Variants in MARCHF6 observed in about 807,000 individuals in gnomAD.
MARCHF6 encodes the protein membrane associated ring-CH-type finger 6.
A neutral mutation model predicts 133.7 loss-of-function variants in MARCHF6; 31 were observed. The ratio of observed to expected loss-of-function variants is 0.23; its 90% CI spans 0.17 to 0.31. MARCHF6 has a LOEUF of 0.31. Ranked by LOEUF, MARCHF6 falls within the 10% of genes least tolerant of loss-of-function variation. The pLI, the probability that MARCHF6 is intolerant of heterozygous loss-of-function variation, is 1.00. For synonymous variants in MARCHF6, 395 were observed against 402.5 expected, an observed-to-expected ratio of 0.98 and a Z score of 0.22; for missense variants, 723 against 1,121.6, an observed-to-expected ratio of 0.64 and a Z score of 5.08.
chr5:10,354,016 C>T, intron 1 of MARCHF6, 99 bp downstream of exon 1: 2 of 1,252,768 alleles, frequency 1.6e-6, no homozygotes, highest in Non-Finnish European at 1.1e-6. Context: ...TGGATCGCGG[C>T]GGGGCGGACG....
intron 22 of MARCHF6, among the ~76,000 whole-genome samples, chr5:10,419,351 T>C (rs1376043807): frequency 6.6e-6 from 1 of 152,178 alleles, no homozygotes; most frequent in Non-Finnish European, 1.5e-5. Context: ...ATAGGTTTTG[T>C]GTTAGAAGTT....
At chr5:10,396,678 A>G (rs140942391) in intron 9 of MARCHF6, among the ~76,000 whole-genome samples, 16 of 152,290 alleles carry the variant, frequency 1.1e-4, no homozygotes, top group African/African-American at 1.4e-4. Flanking sequence ...TGTGTGTAAC[A>G]TGGCTGAAGG....
chr5:10,426,966 A>C (rs2126351115), intron 24 of MARCHF6, among the ~76,000 whole-genome samples: 1 of 152,356 alleles, frequency 6.6e-6, no homozygotes, highest in South Asian at 2.1e-4. Flanking sequence ...TTGTGTAGTG[A>C]AGACTCCTCA....
chr5:10,420,147 C>T (rs1047107851), intron 22 of MARCHF6, among the ~76,000 whole-genome samples: 4 of 152,152 alleles, frequency 2.6e-5, no homozygotes, highest in Non-Finnish European at 5.9e-5. Flanking sequence ...ATTTGGGCTT[C>T]TTACGTTGTA....
intron 3 of MARCHF6, 33 bp from the exon 4 acceptor site, chr5:10,381,767 A>C (rs773298815): frequency 6.5e-7 from 1 of 1,535,924 alleles, no homozygotes; most frequent in South Asian, 1.2e-5. Flanking sequence ...TCGAATCTTC[A>C]TGAAACTGTA....
intron 11 of MARCHF6, chr5:10,401,749 G>C: frequency 2.6e-6 from 1 of 390,106 alleles, no homozygotes. Context: ...ATCTGCTTTA[G>C]AGTGAGAGTA....
At chr5:10,376,134 A>G (rs1736766064) in intron 1 of MARCHF6, among the ~76,000 whole-genome samples, 3 of 152,098 alleles carry the variant, frequency 2.0e-5, no homozygotes, top group African/African-American at 4.8e-5. Flanking sequence ...CCCCTTCCAC[A>G]CTGTGGAAGC....
chr5:10,419,629 A>AC (rs1034135448), intron 22 of MARCHF6, among the ~76,000 whole-genome samples: 3 of 134,862 alleles, frequency 2.2e-5, no homozygotes, highest in African/African-American at 9.7e-5. Flanking sequence ...TTTTTTTTTT[A>AC]CAGAAAAATG....
intron 1 of MARCHF6, among the ~76,000 whole-genome samples, chr5:10,370,393 A>G (rs1252057042): frequency 2.0e-5 from 3 of 152,186 alleles, no homozygotes; most frequent in African/African-American, 7.2e-5. Context: ...GTGAGCTGCC[A>G]TATCTGGCGT....
intron 15 of MARCHF6, among the ~76,000 whole-genome samples, chr5:10,403,864 A>G (rs751395113): frequency 1.3e-5 from 2 of 152,122 alleles, no homozygotes; most frequent in Non-Finnish European, 2.9e-5. Flanking sequence ...GGAATTTTGT[A>G]TGATGTGAGT....
At chr5:10,395,409 C>G (rs1282344236) in intron 9 of MARCHF6, among the ~76,000 whole-genome samples, 12 of 152,070 alleles carry the variant, frequency 7.9e-5, no homozygotes, top group Admixed American at 7.9e-4. Context: ...AAGCAGTTTT[C>G]CCTATTTTCA....
chr5:10,433,967 G>T lies in MARCHF6; in HGVS notation c.*283G>T. 3.0e-6 allele frequency: 1 copy of T among 329,470 alleles called. No homozygotes were observed. The highest frequency in any genetic ancestry group is 3.6e-5 in the South Asian group (1 of 27,710). 20.4% of individuals were successfully genotyped at this position (329,470 alleles called of 1,614,324 possible). ...TGCATTGTACATCTTTAAACAAAAT[G>T]TATATTAATTTATTAAATCTAGTTG... On this transcript the variant is annotated 3_prime_UTR_variant, in exon 26 of 26. Transcript: ENST00000274140.
In MARCHF6 at chr5:10,439,615, GCT is replaced by G. The variant is rs1740781147; in HGVS notation, c.*5932_*5933del. The G allele has an allele frequency of 6.6e-6, 1 of 152,068 alleles. No individual in the cohort carries two copies. Among genetic ancestry groups the G allele is most frequent in the Non-Finnish European group, 1.5e-5 (1 of 68,012 alleles). 9.4% of individuals were successfully genotyped at this position (152,068 alleles called of 1,614,324 possible). On this transcript the variant is annotated 3_prime_UTR_variant, in exon 26 of 26. Transcript: ENST00000274140. ...AAGTAAACCCATTGTTTACTTAATCGCTGTTTCTCCTGAGCTTGCTGCCTCTG... is the reference window on the plus strand; with the variant it reads ...AAGTAAACCCATTGTTTACTTAATCGGTTTCTCCTGAGCTTGCTGCCTCTG...
intron 24 of MARCHF6, among the ~76,000 whole-genome samples, chr5:10,427,121 A>G (rs962219813): frequency 1.1e-4 from 16 of 152,338 alleles, no homozygotes; most frequent in African/African-American, 3.8e-4. Flanking sequence ...AAGGCTATCC[A>G]TGTCACCTTA....
intron 20 of MARCHF6, among the ~76,000 whole-genome samples, chr5:10,414,882 C>T (rs1270063311): frequency 1.3e-5 from 2 of 152,224 alleles, no homozygotes; most frequent in Non-Finnish European, 1.5e-5. Context: ...GTATGAGGCA[C>T]TCCCTTAGAC....
chr5:10,382,592 C>T (rs1737221253), intron 4 of MARCHF6, among the ~76,000 whole-genome samples: 1 of 152,072 alleles, frequency 6.6e-6, no homozygotes, highest in South Asian at 2.1e-4. Flanking sequence ...CTTTGGGAGG[C>T]CGAGGTGGGA....
In MARCHF6 at chr5:10,433,654, T is replaced by A. The variant is rs1375110335; in HGVS notation, c.2703T>A (p.Ser901=). Residue 901 remains serine (S), a synonymous_variant, in exon 26 of 26, where the codon TCT becomes TCA. Transcript: ENST00000274140. The part of the protein sequence containing the change: ...YERKSGKQGS[S]PPPPQSSQE The stretch of plus-strand genomic sequence containing the variant: ...GGAAATCTGGCAAACAAGGCTCATC[T>A]CCACCACCTCCACAGTCATCCCAAG... 40 of 1,614,200 alleles carry A rather than the reference T, an allele frequency of 2.5e-5. No homozygotes were observed. In the East Asian group the frequency reaches 7.6e-4, roughly 31 times the overall value.
At position 10,393,732 on chromosome 5, in the gene MARCHF6, A is replaced by G. The variant is rs180876266; in HGVS notation, c.767-350A>G. 1.1e-3 allele frequency among the ~76,000 whole-genome samples: 161 copies of G among 152,280 alleles called. 1 individual carries two copies. Among genetic ancestry groups the G allele is most frequent in the Admixed American group, 3.1e-3 (47 of 15,298 alleles). The stretch of plus-strand genomic sequence containing the variant: ...TTTCTGTCTTTCTACTACCCATATC[A>G]TTAGTCAGAATGTCCTTAGTTCCCT... On this transcript the variant is annotated intron_variant, in intron 7 of 25. Transcript: ENST00000274140.
At chr5:10,382,862 A>G (rs544618023) in intron 4 of MARCHF6, among the ~76,000 whole-genome samples, 3 of 152,228 alleles carry the variant, frequency 2.0e-5, no homozygotes, top group East Asian at 1.9e-4. Flanking sequence ...ATACTCATAC[A>G]TGTAATGGTC....
Sources: gnomAD v4.1 joint callset for allele counts (sites outside exome capture counted in the v4.1 genomes callset) on GRCh38, gnomAD v4.1.1 for gene constraint, MANE v1.5 for transcripts, NCBI Gene and HGNC (gene_info 2026-07-23, HGNC 2026-07-21) for gene names.